GPN2: variants seen among roughly 807,000 people sequenced by gnomAD.
The protein encoded by GPN2 is GPN-loop GTPase 2.
In GPN2, 27 loss-of-function variants were observed where a neutral mutation model predicts 30.1. The ratio of observed to expected loss-of-function variants is 0.90; its 90% CI spans 0.66 to 1.24. The LOEUF (loss-of-function observed/expected upper bound fraction) is 1.24, where lower values mean the gene tolerates loss of function less well. GPN2 is among the 50% of genes most tolerant of loss of function. The pLI is 0.00. For synonymous variants in GPN2, 212 were observed against 174.4 expected (o/e 1.22, Z -1.70); for missense variants, 406 against 405.4 (o/e 1.00, Z -0.01).
In GPN2 at chr1:26,884,271, C is replaced by T. The variant is rs114490088; in HGVS notation, c.749G>A (p.Arg250Gln). 2.5e-4 allele frequency: 411 copies of T among 1,612,906 alleles called. 2 individuals carry two copies. In the African/African-American group the frequency reaches 4.6e-3, roughly 18 times the overall value. Reference sequence around the variant, plus strand: ...GGCTTTATCCACAGCCTGCAGGACTCGCTGGATGCTCTCCTTGTCCTGAGC... The same window carrying T: ...GGCTTTATCCACAGCCTGCAGGACTTGCTGGATGCTCTCCTTGTCCTGAGC... ...LNIQDKESIQ[R>Q]VLQAVDKANG... The change falls in exon 4 of 5, where the codon CGA (arginine) becomes CAA (glutamine). Residue 250 changes from arginine to glutamine, a missense_variant. Physicochemically the swap from Arg to Gln is conservative, Grantham distance 43 (BLOSUM62 1). Coordinates refer to ENST00000374135, the MANE Select transcript of GPN2 (RefSeq NM_018066.4).
chr1:26,888,111 C>T (rs532823688), intron 2 of GPN2, among the ~76,000 whole-genome samples: 54 of 152,202 alleles, frequency 3.5e-4, no homozygotes, highest in Admixed American at 7.2e-4. Context: ...CTGCCCACCT[C>T]GGCCTCCCAA....
chr1:26,884,638 T>C (rs1323020820), intron 3 of GPN2, among the ~76,000 whole-genome samples: 1 of 152,202 alleles, frequency 6.6e-6, no homozygotes, highest in Non-Finnish European at 1.5e-5. Flanking sequence ...TCCCAGTGCC[T>C]GGCACAGTAC....
rs777464095 is a variant in GPN2, at chr1:26,889,147, G to T, written c.412-22C>A. Reference sequence around the variant, plus strand: ...TCAGCTGGGAGGGAATAGACAGGGTGAGAGTGGCCTGGAGAAACAGGGATC... The same window carrying T: ...TCAGCTGGGAGGGAATAGACAGGGTTAGAGTGGCCTGGAGAAACAGGGATC... On this transcript the variant is annotated intron_variant, in intron 1 of 4. Transcript: ENST00000374135. 10 of 1,604,606 alleles carry T rather than the reference G, an allele frequency of 6.2e-6. No homozygotes were observed. The South Asian group carries it at 9.9e-5, about 16-fold the overall frequency.
intron 2 of GPN2, 173 bp downstream of exon 2, chr1:26,888,796 C>T: frequency 1.5e-6 from 1 of 668,284 alleles, no homozygotes. Flanking sequence ...CCAAAATCTA[C>T]AACGGTAACT....
rs566626516 is a variant in GPN2 at position 26,890,218 on chromosome 1, G to C, written c.-122C>G. 2.3e-6 allele frequency: 2 copies of C among 858,012 alleles called. No homozygotes were observed. Among genetic ancestry groups the C allele is most frequent in the Admixed American group, 6.0e-5 (2 of 33,568 alleles). 53.1% of individuals were successfully genotyped at this position (858,012 alleles called of 1,614,324 possible). The stretch of plus-strand genomic sequence containing the variant: ...ACCTCGTTGGCGGCCAGCGTCACTC[G>C]CCTCAGGCGGAACAGCTGAGACCGT... On this transcript the variant is annotated 5_prime_UTR_variant, in exon 1 of 5. Transcript: ENST00000374135.
At chr1:26,887,983 C>T (rs1251898374) in intron 2 of GPN2, among the ~76,000 whole-genome samples, 2 of 151,744 alleles carry the variant, frequency 1.3e-5, no homozygotes, top group Non-Finnish European at 2.9e-5. Flanking sequence ...CTCAGCCTCC[C>T]GAGTAGCTGG....
intron 4 of GPN2, among the ~76,000 whole-genome samples, chr1:26,883,083 T>C (rs2081872597): frequency 6.6e-6 from 1 of 152,242 alleles, no homozygotes; most frequent in Non-Finnish European, 1.5e-5. Context: ...TGTAAAACTC[T>C]TTTGCCCCCA....
At chr1:26,879,877 AC>A in intron 4 of GPN2, 128 bp from the exon 5 acceptor site, 1 of 687,194 alleles carries the variant, frequency 1.5e-6, no homozygotes, top group Non-Finnish European at 2.7e-6. Flanking sequence ...AATTATAGGG[AC>A]CAATCAGGTA....
rs575151397 is a variant in GPN2, at chr1:26,887,074, C to CA, written c.569-942dup. Among the ~76,000 whole-genome samples the CA allele has an allele frequency of 9.7e-4, 147 of 151,474 alleles. 1 individual carries two copies. The highest frequency in any genetic ancestry group is 3.4e-3 in the African/African-American group (141 of 41,264). On this transcript the variant is annotated intron_variant, in intron 2 of 4. Transcript: ENST00000374135. ...ACTGTGCATGGTCGTCCTCACCTCA[C>CA]AGAGCTCATAGTCAGGTCATACCCT... is the stretch of plus-strand genomic sequence containing the variant.
chr1:26,890,276 A>G lies in GPN2; in HGVS notation c.-180T>C, dbSNP rs1184223421. ...AAAAGGAGATAACAGGCCGATACTA[A>G]CTAGACTAACTCGACTTCCGGACAG... On this transcript the variant is annotated 5_prime_UTR_variant, in exon 1 of 5. Coordinates refer to ENST00000374135, the MANE Select transcript of GPN2 (RefSeq NM_018066.4). 6.0e-6 allele frequency: 3 copies of G among 498,858 alleles called. No homozygotes were observed. The East Asian group carries it at 1.0e-4, about 17-fold the overall frequency. 30.9% of individuals were successfully genotyped at this position (498,858 alleles called of 1,614,324 possible). A position where few individuals can be genotyped will look rare whatever the true frequency, so the allele number is the denominator to read the frequency against.
Position 26,879,595 on chromosome 1 carries a change from T to A in GPN2, c.*82A>T. The A allele has an allele frequency of 9.5e-7, 1 of 1,052,226 alleles. No homozygotes were observed. Among genetic ancestry groups the A allele is most frequent in the Non-Finnish European group, 1.5e-6 (1 of 685,520 alleles). 65.2% of individuals were successfully genotyped at this position (1,052,226 alleles called of 1,614,324 possible). ...CAGCTCTGGCTGGGAGGACTTGCTC[T>A]TGGGTCTGCAGCCTGCATCAGGAGC... On this transcript the variant is annotated 3_prime_UTR_variant, in exon 5 of 5. Transcript: ENST00000374135.
At chr1:26,880,547 G>A (rs1322747918) in intron 4 of GPN2, among the ~76,000 whole-genome samples, 4 of 152,028 alleles carry the variant, frequency 2.6e-5, no homozygotes, top group Non-Finnish European at 5.9e-5. Context: ...TCCTGACCTC[G>A]TGATCCGCCC....
chr1:26,884,376 C>T, intron 3 of GPN2, 86 bp from the exon 4 acceptor site: 3 of 1,384,798 alleles, frequency 2.2e-6, no homozygotes, highest in South Asian at 1.4e-5. Context: ...CTTCCTCCAT[C>T]TTGCCTCTGT....
rs1175181469 is a variant in GPN2 at position 26,889,804 on chromosome 1, T to C, written c.293A>G (p.Lys98Arg). The part of the protein sequence containing the change: ...LEANLDWLRA[K>R]LDPLRGHYFL... ...GTAGTGGCCGCGGAGGGGGTCGAGC[T>C]TGGCACGCAGCCAGTCCAGGTTGGC... Residue 98 changes from lysine (K) to arginine (R), a missense_variant, in exon 1 of 5, where the codon AAG becomes AGG. Coordinates refer to ENST00000374135, the MANE Select transcript of GPN2 (RefSeq NM_018066.4). 6 of 1,613,854 alleles carry C rather than the reference T, an allele frequency of 3.7e-6. No individual in the cohort carries two copies. Among genetic ancestry groups the C allele is most frequent in the East Asian group, 4.5e-5 (2 of 44,890 alleles).
intron 4 of GPN2, among the ~76,000 whole-genome samples, chr1:26,880,006 C>T (rs539144129): frequency 1.3e-5 from 2 of 152,306 alleles, no homozygotes; most frequent in East Asian, 1.9e-4. Context: ...ATGGCACATG[C>T]TCTGGAGCCA....
In GPN2 at chr1:26,884,819, T is replaced by A. The variant is rs539318462; in HGVS notation, c.730-529A>T. 2.0e-5 allele frequency among the ~76,000 whole-genome samples: 3 copies of A among 152,236 alleles called. No individual in the cohort carries two copies. The East Asian group carries it at 5.8e-4, about 29-fold the overall frequency. On this transcript the variant is annotated intron_variant, in intron 3 of 4. Transcript: ENST00000374135. Reference sequence around the variant, plus strand: ...CAACATGGTGAAACCCTGTCTCTACTGAAAATACAAAAATTAGTTGGGCAT... The same window carrying A: ...CAACATGGTGAAACCCTGTCTCTACAGAAAATACAAAAATTAGTTGGGCAT...
intron 2 of GPN2, among the ~76,000 whole-genome samples, chr1:26,888,085 C>G (rs2081900550): frequency 6.6e-6 from 1 of 151,832 alleles, no homozygotes; most frequent in Non-Finnish European, 1.5e-5. Context: ...GTCTCGAACT[C>G]CTGACCTCAG....
chr1:26,890,226 C>A lies in GPN2; in HGVS notation c.-130G>T. On this transcript the variant is annotated 5_prime_UTR_variant, in exon 1 of 5. Transcript: ENST00000374135. ...GGCGGCCAGCGTCACTCGCCTCAGG[C>A]GGAACAGCTGAGACCGTGTCGCGCA... 1 of 795,218 alleles carries A rather than the reference C, an allele frequency of 1.3e-6. No individual in the cohort carries two copies. The highest frequency in any genetic ancestry group is 1.9e-6 in the Non-Finnish European group (1 of 521,174). The allele number at this position is 795,218 out of a possible 1,614,324, so 49.3% of individuals were successfully genotyped here. A position where few individuals can be genotyped will look rare whatever the true frequency, so the allele number is the denominator to read the frequency against.
rs571870842 is a variant in GPN2 at position 26,889,297 on chromosome 1, T to C, written c.412-172A>G. Among the ~76,000 whole-genome samples the C allele has an allele frequency of 5.5e-3, 841 of 152,274 alleles. 9 individuals carry two copies. Among genetic ancestry groups the C allele is most frequent in the Non-Finnish European group, 6.9e-3 (469 of 68,014 alleles). On this transcript the variant is annotated intron_variant, in intron 1 of 4. Transcript: ENST00000374135. ...CTCCCAGGAAATAGGAGTCATTTTTTTTTTCTTACAAGAGGTCTTGCACTG... is the reference window on the plus strand; with the variant it reads ...CTCCCAGGAAATAGGAGTCATTTTTCTTTTCTTACAAGAGGTCTTGCACTG...
Sources: allele counts gnomAD v4.1 joint callset (sites outside exome capture counted in the v4.1 genomes callset), GRCh38; gene constraint gnomAD v4.1.1; transcripts MANE v1.5; gene names NCBI Gene and HGNC (gene_info 2026-07-23, HGNC 2026-07-21).